The following ADGRG7 variants were observed in gnomAD, a reference collection of about 807,000 sequenced individuals.
ADGRG7 encodes the protein G-protein coupled receptor 128.
A neutral mutation model predicts 88.6 loss-of-function variants in ADGRG7; 82 were observed. The ratio of observed to expected loss-of-function variants is 0.93; its 90% confidence interval spans 0.77 to 1.11. ADGRG7 has a LOEUF of 1.11. Among genes scored for constraint, ADGRG7 ranks in the 50% most tolerant of loss-of-function variants. ADGRG7 has a pLI of 0.00. For synonymous variants in ADGRG7, 381 were observed against 345.2 expected (o/e 1.10, Z -1.15); for missense variants, 945 against 953.4 (o/e 0.99, Z 0.12).
chr3:100,687,808 T>A (rs1425932424), intron 15 of ADGRG7, among the ~76,000 whole-genome samples: 2 of 152,206 alleles, frequency 1.3e-5, no homozygotes, highest in African/African-American at 4.8e-5. Context: ...TTTGCATCGA[T>A]GTTCATCAGG....
chr3:100,610,420 G>C (rs1033246439), intron 1 of ADGRG7, among the ~76,000 whole-genome samples: 1 of 152,178 alleles, frequency 6.6e-6, no homozygotes, highest in Admixed American at 6.5e-5. Context: ...AGAAGTTAAA[G>C]AAACTCATCA....
intron 6 of ADGRG7, among the ~76,000 whole-genome samples, chr3:100,638,823 G>C (rs1393010781): frequency 1.3e-5 from 2 of 152,122 alleles, no homozygotes; most frequent in Non-Finnish European, 2.9e-5. Flanking sequence ...TTTATTCATA[G>C]AGGCCCCTTG....
At chr3:100,661,347 G>C (rs1337465123) in intron 14 of ADGRG7, among the ~76,000 whole-genome samples, 2 of 152,170 alleles carry the variant, frequency 1.3e-5, no homozygotes, top group African/African-American at 4.8e-5. Flanking sequence ...CTTACAAATA[G>C]GTCCACTTAG....
At chr3:100,635,445 C>G (rs1707522893) in intron 4 of ADGRG7, 3 of 814,814 alleles carry the variant, frequency 3.7e-6, no homozygotes, top group Non-Finnish European at 3.4e-6. Flanking sequence ...CTAGCTAAGG[C>G]AGCCCCTTAT....
chr3:100,610,814 G>T (rs181976155), intron 1 of ADGRG7, among the ~76,000 whole-genome samples: 1 of 152,338 alleles, frequency 6.6e-6, no homozygotes, highest in East Asian at 1.9e-4. Flanking sequence ...TGCCGATCGG[G>T]AAAGGCAGCA....
At chr3:100,620,369 T>C (rs1455631265) in intron 1 of ADGRG7, among the ~76,000 whole-genome samples, 2 of 152,192 alleles carry the variant, frequency 1.3e-5, no homozygotes, top group East Asian at 3.8e-4. Context: ...CCCTTCATGC[T>C]AAAAACTCTC....
intron 1 of ADGRG7, among the ~76,000 whole-genome samples, chr3:100,613,284 C>T (rs1284574858): frequency 6.6e-6 from 1 of 152,174 alleles, no homozygotes; most frequent in Non-Finnish European, 1.5e-5. Flanking sequence ...AGATACTTGG[C>T]TTTAATTTCA....
At chr3:100,664,980 A>G (rs2094949995) in intron 14 of ADGRG7, 1 of 378,308 alleles carries the variant, frequency 2.6e-6, no homozygotes, top group Non-Finnish European at 5.3e-6. Context: ...TTAGACACAA[A>G]TAAGTATTTA....
chr3:100,641,393 T>C (rs1707639639), intron 6 of ADGRG7, among the ~76,000 whole-genome samples: 1 of 152,214 alleles, frequency 6.6e-6, no homozygotes, highest in Admixed American at 6.5e-5. Flanking sequence ...TATTTAACAT[T>C]CCACACTGAA....
At chr3:100,620,725 G>C (rs531876063) in intron 1 of ADGRG7, among the ~76,000 whole-genome samples, 2 of 152,300 alleles carry the variant, frequency 1.3e-5, no homozygotes, top group East Asian at 3.9e-4. Flanking sequence ...ACAGACCCTG[G>C]CTGAAAGAAT....
intron 1 of ADGRG7, among the ~76,000 whole-genome samples, chr3:100,619,476 C>A (rs1042719000): frequency 6.6e-6 from 1 of 151,830 alleles, no homozygotes; most frequent in African/African-American, 2.4e-5. Flanking sequence ...AAATTGACAC[C>A]CTAACATCAC....
chr3:100,613,917 T>G (rs1231661905), intron 1 of ADGRG7, among the ~76,000 whole-genome samples: 1 of 152,188 alleles, frequency 6.6e-6, no homozygotes, highest in Non-Finnish European at 1.5e-5. Flanking sequence ...ATCCCAATAA[T>G]GCCCCTCACT....
chr3:100,678,191 T>C (rs2094968157), intron 15 of ADGRG7, among the ~76,000 whole-genome samples: 1 of 152,028 alleles, frequency 6.6e-6, no homozygotes, highest in Non-Finnish European at 1.5e-5. Context: ...TTCTTCTGCT[T>C]GATTAATTCT....
At chr3:100,688,250 A>G (rs1232347153) in intron 15 of ADGRG7, among the ~76,000 whole-genome samples, 1 of 151,930 alleles carries the variant, frequency 6.6e-6, no homozygotes, top group Non-Finnish European at 1.5e-5. Flanking sequence ...TATTGTGTCT[A>G]TTTGATTCTT....
rs774227868 is a variant in ADGRG7 at position 100,694,849 on chromosome 3, C to T, written c.2242C>T (p.Pro748Ser). The change falls in exon 16 of 16, where the codon CCT becomes TCT. Residue 748 changes from proline to serine, a missense_variant. Physicochemically the swap from Pro to Ser is moderately conservative, Grantham distance 74. Coordinates refer to ENST00000273352, the MANE Select transcript of ADGRG7 (RefSeq NM_032787.3). The part of the protein sequence containing the change: ...LSSIGRRKSL[P>S]SVTRPRLRVK... The stretch of plus-strand genomic sequence containing the variant: ...GTCTATTGGGAGAAGGAAGTCATTG[C>T]CTTCAGTGACGCGGCCGAGGCTGCG... The T allele has an allele frequency of 1.9e-6, 3 of 1,614,036 alleles. No individual in the cohort carries two copies. The highest frequency in any genetic ancestry group is 1.3e-5 in the African/African-American group (1 of 74,908).
intron 15 of ADGRG7, among the ~76,000 whole-genome samples, chr3:100,690,211 G>T (rs2094990867): frequency 6.6e-6 from 1 of 152,200 alleles, no homozygotes; most frequent in Non-Finnish European, 1.5e-5. Context: ...TCGTGCCGTG[G>T]TTTTCAGCTC....
At chr3:100,661,020 A>G (rs988570576) in intron 14 of ADGRG7, among the ~76,000 whole-genome samples, 6 of 151,980 alleles carry the variant, frequency 3.9e-5, no homozygotes, top group African/African-American at 1.5e-4. Context: ...CTAAGCTGAC[A>G]TTCCCTGCGG....
chr3:100,636,107 T>G (rs1384840838), intron 5 of ADGRG7, among the ~76,000 whole-genome samples: 1 of 152,142 alleles, frequency 6.6e-6, no homozygotes, highest in African/African-American at 2.4e-5. Context: ...CAGGCTGGAG[T>G]GCAGTGGCAC....
chr3:100,655,643 G>T (rs2094936613), intron 12 of ADGRG7, among the ~76,000 whole-genome samples: 1 of 152,170 alleles, frequency 6.6e-6, no homozygotes, highest in Non-Finnish European at 1.5e-5. Flanking sequence ...ACTGAAACAT[G>T]ACAATTCTGG....
Sources: gnomAD v4.1 joint callset for allele counts (sites outside exome capture counted in the v4.1 genomes callset) on GRCh38, gnomAD v4.1.1 for gene constraint, MANE v1.5 for transcripts, NCBI Gene and HGNC (gene_info 2026-07-23, HGNC 2026-07-21) for gene names.